Variants in MSTO1 observed in about 807,000 individuals in gnomAD.
MSTO1 encodes the protein misato mitochondrial distribution and morphology regulator 1.
MSTO1 carries 24 observed loss-of-function variants against 55.7 expected under a neutral mutation model. That is an observed-to-expected ratio of 0.43 (90% CI 0.31 to 0.61). The LOEUF (loss-of-function observed/expected upper bound fraction) is 0.61. MSTO1 is among the 20% of genes least tolerant of loss of function. The probability of loss-of-function intolerance (pLI) is 0.09; values close to 1 mark genes in which losing one functional copy is unlikely to be tolerated. For missense variants in MSTO1, 363 were observed against 625.7 expected, an observed-to-expected ratio of 0.58 and a Z score of 4.48; for synonymous variants, 162 against 252.8, an observed-to-expected ratio of 0.64 and a Z score of 3.41.
At chr1:155,563,278 G>C in the MSTO1 span, 1 of 456,166 alleles carries the variant, frequency 2.2e-6, no homozygotes, top group Admixed American at 2.4e-5. Flanking sequence ...GGAGCTGGTC[G>C]CAGGCGGTGT....
the MSTO1 span, among the ~76,000 whole-genome samples, chr1:155,573,890 A>G: frequency 1.3e-5 from 2 of 152,188 alleles, no homozygotes; most frequent in South Asian, 2.1e-4. Context: ...ATGCTAGGCA[A>G]TCGTATCCTG....
chr1:155,610,174 G>A, upstream of MSTO1: 1 of 1,080,768 alleles, frequency 9.3e-7, no homozygotes, highest in East Asian at 2.4e-5. Context: ...ACCCGCCCAC[G>A]CGCCTGCCAA....
At chr1:155,579,713 A>C in the MSTO1 span, among the ~76,000 whole-genome samples, 1 of 152,190 alleles carries the variant, frequency 6.6e-6, no homozygotes, top group Non-Finnish European at 1.5e-5. Context: ...TTTCAGAAAA[A>C]TATTCAGTGA....
the MSTO1 span, among the ~76,000 whole-genome samples, chr1:155,585,403 G>T: frequency 6.6e-6 from 1 of 151,810 alleles, no homozygotes. Context: ...GGCACCTATA[G>T]TTCCAGCTGC....
chr1:155,564,636 A>G, the MSTO1 span, among the ~76,000 whole-genome samples: 1 of 152,162 alleles, frequency 6.6e-6, no homozygotes, highest in African/African-American at 2.4e-5. Flanking sequence ...AGCCTTAATT[A>G]CCTCATTGTA....
chr1:155,564,882 G>A, the MSTO1 span, among the ~76,000 whole-genome samples: 1 of 152,202 alleles, frequency 6.6e-6, no homozygotes, highest in Non-Finnish European at 1.5e-5. Context: ...AGCACTTTGG[G>A]AGGCCAAGGC....
At position 155,612,367 on chromosome 1, in the gene MSTO1, CAG is replaced by C. The variant is rs925773197; in HGVS notation, c.814-49_814-48del. 8.2e-6 allele frequency: 13 copies of C among 1,581,732 alleles called. No homozygotes were observed. In the Admixed American group the frequency reaches 2.1e-4, roughly 26 times the overall value. On this transcript the variant is annotated intron_variant, in intron 8 of 13. Transcript: ENST00000245564. The stretch of plus-strand genomic sequence containing the variant: ...AGTCACACAGTGGGGAGGGAGAAAT[CAG>C]AATCCCAGTGGGAGAGCTGCTTAAT...
the MSTO1 span, among the ~76,000 whole-genome samples, chr1:155,596,142 C>A: frequency 1.3e-5 from 2 of 152,184 alleles, no homozygotes; most frequent in Non-Finnish European, 2.9e-5. Context: ...AAAACATGAT[C>A]TCAGCAGGGT....
chr1:155,578,510 T>TC, the MSTO1 span, among the ~76,000 whole-genome samples: 2 of 138,396 alleles, frequency 1.4e-5, no homozygotes, highest in Non-Finnish European at 3.1e-5. Flanking sequence ...GGCTAATCTT[T>TC]TTTTTTTTTT....
chr1:155,579,947 G>A, the MSTO1 span, among the ~76,000 whole-genome samples: 5 of 151,856 alleles, frequency 3.3e-5, no homozygotes, highest in East Asian at 1.9e-4. Flanking sequence ...GCGTGGTGGT[G>A]TGTCTGTAAT....
chr1:155,578,817 GT>G, the MSTO1 span, among the ~76,000 whole-genome samples: 38 of 135,434 alleles, frequency 2.8e-4, no homozygotes, highest in African/African-American at 4.9e-4. Flanking sequence ...GCCCTGTGTG[GT>G]TTTTTTTTTG....
chr1:155,590,973 G>T, the MSTO1 span: 1 of 1,613,868 alleles, frequency 6.2e-7, no homozygotes, highest in Non-Finnish European at 8.5e-7. Flanking sequence ...CAGCAAGGTA[G>T]ACCAGCAAGC....
chr1:155,572,083 CTT>C, the MSTO1 span, among the ~76,000 whole-genome samples: 1 of 150,950 alleles, frequency 6.6e-6, no homozygotes, highest in East Asian at 1.9e-4. Context: ...GTGAGCCAAA[CTT>C]TTCCTATGGG....
At position 155,614,045 on chromosome 1, in the gene MSTO1, C is replaced by G; in HGVS notation, c.1499-14C>G. 1 of 1,582,944 alleles carries G rather than the reference C, an allele frequency of 6.3e-7. No homozygotes were observed. On this transcript the variant is annotated splice_polypyrimidine_tract_variant and intron_variant, in intron 13 of 13. Coordinates refer to ENST00000245564, the MANE Select transcript of MSTO1 (RefSeq NM_018116.4). Reference sequence around the variant, plus strand: ...TCATCCATCTACAGGTCTCTGTTTCCTCTCCCTCCACAGCAGTGGAGAGCA... The same window carrying G: ...TCATCCATCTACAGGTCTCTGTTTCGTCTCCCTCCACAGCAGTGGAGAGCA...
the MSTO1 span, among the ~76,000 whole-genome samples, chr1:155,585,293 G>A: frequency 2.0e-5 from 3 of 152,184 alleles, no homozygotes; most frequent in African/African-American, 4.8e-5. Context: ...GGAGGCCAAG[G>A]CGGGCGGATC....
At position 155,614,558 on chromosome 1, in the gene MSTO1, C is replaced by T. The variant is rs1049564562; in HGVS notation, c.*285C>T. 5 of 618,926 alleles carry T rather than the reference C, an allele frequency of 8.1e-6. No individual in the cohort carries two copies. Among genetic ancestry groups the T allele is most frequent in the Non-Finnish European group, 1.2e-5 (4 of 339,402 alleles). The allele number at this position is 618,926 out of a possible 1,614,324, so 38.3% of individuals were successfully genotyped here. ...GAATGATGCCTAGGATGGCAGAGCC[C>T]CTGGGTCCTACTCCATCCTCCAGCC... On this transcript the variant is annotated 3_prime_UTR_variant, in exon 14 of 14. Coordinates refer to ENST00000245564, the MANE Select transcript of MSTO1 (RefSeq NM_018116.4).
At chr1:155,587,566 AC>A in the MSTO1 span, among the ~76,000 whole-genome samples, 1 of 148,376 alleles carries the variant, frequency 6.7e-6, no homozygotes, top group Non-Finnish European at 1.5e-5. Flanking sequence ...ACACGGTGAA[AC>A]CCCGTCTCTA....
At chr1:155,595,247 G>A in the MSTO1 span, among the ~76,000 whole-genome samples, 6 of 140,486 alleles carry the variant, frequency 4.3e-5, no homozygotes, top group African/African-American at 1.1e-4. Flanking sequence ...GCGCAATCTC[G>A]GCTCACTGCA....
chr1:155,568,857 C>CTTTTT, the MSTO1 span, among the ~76,000 whole-genome samples: 1 of 64,730 alleles, frequency 1.5e-5, no homozygotes, highest in Admixed American at 1.6e-4. Flanking sequence ...TTTTCTTTTT[C>CTTTTT]TTTTTTTTTT....
Sources: gnomAD v4.1 joint callset for allele counts (sites outside exome capture counted in the v4.1 genomes callset) on GRCh38, gnomAD v4.1.1 for gene constraint, MANE v1.5 for transcripts, NCBI Gene and HGNC (gene_info 2026-07-23, HGNC 2026-07-21) for gene names.